Variants in MAF observed in about 807,000 individuals in gnomAD.
MAF encodes the protein MAF bZIP transcription factor, also known as transcription factor Maf.
MAF carries 10 observed loss-of-function variants against 22.0 expected under a neutral mutation model. The ratio of observed to expected loss-of-function variants is 0.45; its 90% confidence interval spans 0.28 to 0.77. The LOEUF is 0.77. MAF is among the 30% of genes least tolerant of loss of function. The pLI is 0.12. For synonymous variants in MAF, 337 were observed against 255.8 expected, an observed-to-expected ratio of 1.32 and a Z score of -3.03; for missense variants, 544 against 548.4, an observed-to-expected ratio of 0.99 and a Z score of 0.08.
chr16:79,319,658 C>T, the MAF span, among the ~76,000 whole-genome samples: 1 of 152,112 alleles, frequency 6.6e-6, no homozygotes, highest in Non-Finnish European at 1.5e-5. Context: ...ACTTATTTCT[C>T]CATTGATTTA....
chr16:79,472,351 C>A, the MAF span, among the ~76,000 whole-genome samples: 67 of 152,232 alleles, frequency 4.4e-4, no homozygotes, highest in Admixed American at 3.8e-3. Context: ...TCATAATAAT[C>A]AAAAAGTAGA....
the MAF span, among the ~76,000 whole-genome samples, chr16:79,214,774 G>A: frequency 2.7e-4 from 37 of 135,052 alleles, no homozygotes; most frequent in East Asian, 3.6e-3. Context: ...GTGCAGTGGC[G>A]TGATTTTGGC....
chr16:79,437,140 CTCTCTCTGTGTGTGTGTGTG>C, the MAF span, among the ~76,000 whole-genome samples: 2 of 26,002 alleles, frequency 7.7e-5, no homozygotes, highest in Admixed American at 5.3e-4. Flanking sequence ...AAAGCTCTCT[CTCTCTCTGTGTGTGTGTGTG>C]TGTGTGTGTG....
chr16:79,535,946 T>C, the MAF span, among the ~76,000 whole-genome samples: 7 of 152,136 alleles, frequency 4.6e-5, no homozygotes, highest in African/African-American at 1.4e-4. Context: ...AAGGACAGAG[T>C]TGCGTATTCA....
the MAF span, among the ~76,000 whole-genome samples, chr16:79,561,534 T>C: frequency 1.1e-4 from 16 of 150,522 alleles, no homozygotes; most frequent in Non-Finnish European, 1.5e-4. Context: ...TTCTCATTGT[T>C]AAATTCCCAC....
At chr16:79,213,987 T>G in the MAF span, among the ~76,000 whole-genome samples, 1 of 152,168 alleles carries the variant, frequency 6.6e-6, no homozygotes, top group East Asian at 1.9e-4. Flanking sequence ...AGTCTTCCTC[T>G]GTTCCTCGAA....
the MAF span, among the ~76,000 whole-genome samples, chr16:79,542,794 G>A: frequency 1.3e-5 from 2 of 152,188 alleles, no homozygotes; most frequent in African/African-American, 4.8e-5. Context: ...CCTGGCCTTG[G>A]TTAATCTTCA....
the MAF span, among the ~76,000 whole-genome samples, chr16:79,386,440 C>G: frequency 2.0e-5 from 3 of 152,028 alleles, no homozygotes; most frequent in Non-Finnish European, 2.9e-5. Flanking sequence ...AATGCTGTGG[C>G]TGATCTGACA....
intron 1 of MAF, 160 bp from the exon 2 acceptor site, chr16:79,594,713 A>AC: frequency 7.8e-7 from 1 of 1,281,628 alleles, no homozygotes; most frequent in Non-Finnish European, 9.9e-7. Flanking sequence ...TCTTTGTAAG[A>AC]AAAAAAAAAC....
chr16:79,381,395 T>G, the MAF span, among the ~76,000 whole-genome samples: 1 of 152,176 alleles, frequency 6.6e-6, no homozygotes, highest in Admixed American at 6.5e-5. Flanking sequence ...GAAGCCCAGA[T>G]AAGTGTGTTT....
At chr16:79,445,428 T>G in the MAF span, among the ~76,000 whole-genome samples, 1 of 152,226 alleles carries the variant, frequency 6.6e-6, no homozygotes. Flanking sequence ...ACAAGAACCC[T>G]TTTTACAAAT....
At chr16:79,423,521 A>G in the MAF span, among the ~76,000 whole-genome samples, 2 of 152,218 alleles carry the variant, frequency 1.3e-5, no homozygotes, top group East Asian at 1.9e-4. Flanking sequence ...TTGGTGAACT[A>G]CAGCCTGTGG....
At chr16:79,280,782 T>C in the MAF span, among the ~76,000 whole-genome samples, 6 of 152,150 alleles carry the variant, frequency 3.9e-5, no homozygotes, top group African/African-American at 1.4e-4. Flanking sequence ...ACTACACTGC[T>C]CACCAGGAAT....
At chr16:79,538,203 A>T in the MAF span, among the ~76,000 whole-genome samples, 43 of 152,360 alleles carry the variant, frequency 2.8e-4, no homozygotes, top group African/African-American at 9.6e-4. Context: ...GTTCTGTCCT[A>T]TTTTAAGAAT....
Position 79,600,045 on chromosome 16 carries a change from G to GT in MAF, c.-144_-143insA. ...TAGCTTGCGCGGCGGTGGCTGGCCCGAAACCTCCGAGCGCGCTCACACACA... is the reference window on the plus strand; with the variant it reads ...TAGCTTGCGCGGCGGTGGCTGGCCCGTAAACCTCCGAGCGCGCTCACACACA... On this transcript the variant is annotated 5_prime_UTR_variant, in exon 1 of 2. Coordinates refer to ENST00000326043, the MANE Select transcript of MAF (RefSeq NM_005360.5). 1 of 1,181,192 alleles carries GT rather than the reference G, an allele frequency of 8.5e-7. No individual in the cohort carries two copies. Among genetic ancestry groups the GT allele is most frequent in the Non-Finnish European group, 1.2e-6 (1 of 843,454 alleles). The allele number at this position is 1,181,192 out of a possible 1,614,324, so 73.2% of individuals were successfully genotyped here. A position where few individuals can be genotyped will look rare whatever the true frequency, so the allele number is the denominator to read the frequency against.
chr16:79,485,010 A>G, the MAF span, among the ~76,000 whole-genome samples: 2 of 152,218 alleles, frequency 1.3e-5, no homozygotes, highest in African/African-American at 2.4e-5. Flanking sequence ...TCAATTTATT[A>G]TCTATAAAAA....
chr16:79,333,461 G>A, the MAF span, among the ~76,000 whole-genome samples: 1 of 152,190 alleles, frequency 6.6e-6, no homozygotes, highest in Non-Finnish European at 1.5e-5. Context: ...GACGGACCAT[G>A]TCAGCGGCCC....
At chr16:79,482,021 G>C in the MAF span, among the ~76,000 whole-genome samples, 4 of 152,186 alleles carry the variant, frequency 2.6e-5, no homozygotes, top group African/African-American at 9.7e-5. Context: ...AGCAAAAACT[G>C]CTGGGTCATG....
chr16:79,250,501 C>G, the MAF span, among the ~76,000 whole-genome samples: 3 of 152,212 alleles, frequency 2.0e-5, no homozygotes, highest in African/African-American at 2.4e-5. Flanking sequence ...TGCTCTTGCT[C>G]TAGCATTTTG....
Sources: allele counts gnomAD v4.1 joint callset (sites outside exome capture counted in the v4.1 genomes callset), GRCh38; gene constraint gnomAD v4.1.1; transcripts MANE v1.5; gene names NCBI Gene and HGNC (gene_info 2026-07-23, HGNC 2026-07-21).